The following SCARB1 variants were observed in gnomAD, a reference collection of about 807,000 sequenced individuals.
SCARB1 encodes the protein scavenger receptor class B member 1, also known as CD36 and LIMPII analogous 1.
In SCARB1, 30 loss-of-function variants were observed where a neutral mutation model predicts 57.2. The observed-to-expected ratio is 0.52, with a 90% CI of 0.39 to 0.71. The LOEUF (loss-of-function observed/expected upper bound fraction) is 0.71, where lower values mean the gene tolerates loss of function less well. Ranked by LOEUF, SCARB1 falls within the 30% of genes least tolerant of loss-of-function variation. The pLI is 0.00. For synonymous variants in SCARB1, 249 were observed against 268.3 expected (o/e 0.93, Z 0.70); for missense variants, 543 against 671.2 (o/e 0.81, Z 2.11).
In SCARB1 at chr12:124,782,749, C is replaced by G. The variant is rs1233229414; in HGVS notation, c.1464G>C (p.Gln488His). The G allele has an allele frequency of 6.2e-7, 1 of 1,613,772 alleles. No individual in the cohort carries two copies. Among genetic ancestry groups the G allele is most frequent in the East Asian group, 2.2e-5 (1 of 44,898 alleles). The change falls in exon 12 of 13, where the codon CAG becomes CAC. Residue 488 changes from glutamine to histidine, a missense_variant. Physicochemically the swap from Gln to His is conservative, Grantham distance 24. Transcript: ENST00000261693. Reference sequence around the variant, plus strand: ...ATGTCATCAGGGATTCAGAATAGGCCTGAATGGCCTCCTTATCCTTTGAGC... The same window carrying G: ...ATGTCATCAGGGATTCAGAATAGGCGTGAATGGCCTCCTTATCCTTTGAGC... ...KKGSKDKEAIQAYSESLMTSA... is the reference protein window; with the variant it reads ...KKGSKDKEAIHAYSESLMTSA...
At chr12:124,830,724 T>G (rs907673890) in intron 1 of SCARB1, among the ~76,000 whole-genome samples, 4 of 152,178 alleles carry the variant, frequency 2.6e-5, no homozygotes, top group Non-Finnish European at 5.9e-5. Flanking sequence ...CATACCTAGG[T>G]GAAAATCCAT....
intron 1 of SCARB1, among the ~76,000 whole-genome samples, chr12:124,840,477 C>A (rs1215936760): frequency 1.8e-4 from 27 of 152,142 alleles, no homozygotes; most frequent in Admixed American, 1.8e-3. Context: ...CGCCTGGCTG[C>A]CTGCATGTCT....
intron 1 of SCARB1, among the ~76,000 whole-genome samples, chr12:124,846,350 A>G (rs1041862288): frequency 1.3e-5 from 2 of 152,052 alleles, no homozygotes; most frequent in Non-Finnish European, 2.9e-5. Flanking sequence ...CAGACCCCCT[A>G]CTCTGACTGT....
In SCARB1 at chr12:124,795,208, C is replaced by T; in HGVS notation, c.1189G>A (p.Val397Ile). The change falls in exon 9 of 13, where the codon GTC becomes ATC. Residue 397 changes from valine to isoleucine, a missense_variant. Coordinates refer to ENST00000261693, the MANE Select transcript of SCARB1 (RefSeq NM_005505.5). ...GTCCCCACTCACCCAATGCCTGCGA[C>T]AGATTTCATGTAGAGGCTCAGCTGC... ...KLQLSLYMKSVAGIGQTGKIE... is the reference protein window; with the variant it reads ...KLQLSLYMKSIAGIGQTGKIE... The T allele has an allele frequency of 5.6e-6, 9 of 1,613,888 alleles. No individual in the cohort carries two copies. Among genetic ancestry groups the T allele is most frequent in the Non-Finnish European group, 7.6e-6 (9 of 1,179,816 alleles).
intron 1 of SCARB1, among the ~76,000 whole-genome samples, chr12:124,841,607 T>C (rs7136506): frequency 0.3 from 45,541 of 151,476 alleles, 7,854 homozygotes; most frequent in African/African-American, 0.46. Context: ...CCTGTCCCCT[T>C]TCACCCCCTC....
intron 1 of SCARB1, among the ~76,000 whole-genome samples, chr12:124,819,000 A>G (rs1265359627): frequency 6.6e-6 from 1 of 151,908 alleles, no homozygotes; most frequent in Non-Finnish European, 1.5e-5. Flanking sequence ...GGTGCTGCAC[A>G]CCTGTAGTCC....
At position 124,789,429 on chromosome 12, in the gene SCARB1, C is replaced by A. The variant is rs1378178281; in HGVS notation, c.1203-1972G>T. On this transcript the variant is annotated intron_variant, in intron 9 of 12. Coordinates refer to ENST00000261693, the MANE Select transcript of SCARB1 (RefSeq NM_005505.5). The surrounding 1 kb of genome is among the most constrained non-coding windows in gnomAD (Gnocchi z 4.4). ...AGGAGACCGGAAGACCAATGCGACACCTGGGAAACTGTGACCTGCCACGAC... is the reference window on the plus strand; with the variant it reads ...AGGAGACCGGAAGACCAATGCGACAACTGGGAAACTGTGACCTGCCACGAC... Among the ~76,000 whole-genome samples the A allele has an allele frequency of 1.3e-5, 2 of 152,138 alleles. No homozygotes were observed. The highest frequency in any genetic ancestry group is 4.8e-5 in the African/African-American group (2 of 41,420).
chr12:124,804,731 A>G (rs902556872), intron 7 of SCARB1, among the ~76,000 whole-genome samples: 1 of 152,206 alleles, frequency 6.6e-6, no homozygotes, highest in African/African-American at 2.4e-5. Flanking sequence ...AAAGCATCCA[A>G]TCTGTTGACA....
chr12:124,859,898 T>C (rs1231275166), intron 1 of SCARB1, among the ~76,000 whole-genome samples: 1 of 151,898 alleles, frequency 6.6e-6, no homozygotes, highest in East Asian at 1.9e-4. Flanking sequence ...TTTCAATTAG[T>C]AATGTGTTTT....
intron 1 of SCARB1, among the ~76,000 whole-genome samples, chr12:124,863,156 A>G (rs1209673010): frequency 6.6e-6 from 1 of 152,208 alleles, no homozygotes; most frequent in East Asian, 1.9e-4. Flanking sequence ...CTCACAGGAT[A>G]CAAGCAAAGT....
chr12:124,810,310 T>C lies in SCARB1; in HGVS notation c.727-21A>G. 1 of 1,564,450 alleles carries C rather than the reference T, an allele frequency of 6.4e-7. No homozygotes were observed. Among genetic ancestry groups the C allele is most frequent in the Non-Finnish European group, 8.8e-7 (1 of 1,134,804 alleles). ...TCAACCTGGGGGGAAGCATCCAGAC[T>C]AGACCCCTCAGTAGGGCCAAGGCCC... On this transcript the variant is annotated intron_variant, in intron 5 of 12. Coordinates refer to ENST00000261693, the MANE Select transcript of SCARB1 (RefSeq NM_005505.5). The surrounding 1 kb of genome is among the most constrained non-coding windows in gnomAD (Gnocchi z 4.0).
Position 124,810,302 on chromosome 12 carries a change from A to T in SCARB1, c.727-13T>A, listed in dbSNP as rs1383308986. 7 of 1,589,516 alleles carry T rather than the reference A, an allele frequency of 4.4e-6. No individual in the cohort carries two copies. The highest frequency in any genetic ancestry group is 5.2e-6 in the Non-Finnish European group (6 of 1,157,624). On this transcript the variant is annotated splice_polypyrimidine_tract_variant and intron_variant, in intron 5 of 12. Transcript: ENST00000261693. The surrounding 1 kb of genome is among the most constrained non-coding windows in gnomAD (Gnocchi z 4.0). ...GCCAGAAGTCAACCTGGGGGGAAGCATCCAGACTAGACCCCTCAGTAGGGC... is the reference window on the plus strand; with the variant it reads ...GCCAGAAGTCAACCTGGGGGGAAGCTTCCAGACTAGACCCCTCAGTAGGGC...
intron 9 of SCARB1, 64 bp from the exon 10 acceptor site, chr12:124,787,521 G>A: frequency 7.1e-7 from 1 of 1,414,928 alleles, no homozygotes; most frequent in Non-Finnish European, 9.9e-7. Flanking sequence ...ATCTAATTCT[G>A]CTTGAATACA....
rs1394565326 is a variant in SCARB1, at chr12:124,822,620, C to T, written c.127-4913G>A. On this transcript the variant is annotated intron_variant, in intron 1 of 12. Transcript: ENST00000261693. This position sits in a 1 kb window ranked among gnomAD's most constrained non-coding sequence, Gnocchi z 5.0. The stretch of plus-strand genomic sequence containing the variant: ...TCAAATTAGGCCAGGCATGGTGGCT[C>T]ACGCCTGTAATCCAAGGACTTTGGG... Among the ~76,000 whole-genome samples the T allele has an allele frequency of 6.6e-6, 1 of 152,200 alleles. No individual in the cohort carries two copies. Among genetic ancestry groups the T allele is most frequent in the Non-Finnish European group, 1.5e-5 (1 of 68,038 alleles).
At chr12:124,827,676 C>A (rs1951216176) in intron 1 of SCARB1, among the ~76,000 whole-genome samples, 1 of 152,166 alleles carries the variant, frequency 6.6e-6, no homozygotes, top group Admixed American at 6.5e-5. Context: ...CACGCTCCTG[C>A]CCCAGGGCCT....
Position 124,817,239 on chromosome 12 carries a change from G to C in SCARB1, c.284+311C>G, listed in dbSNP as rs1950771016. 6.6e-6 allele frequency among the ~76,000 whole-genome samples: 1 copy of C among 150,742 alleles called. No individual in the cohort carries two copies. The highest frequency in any genetic ancestry group is 6.6e-5 in the Admixed American group (1 of 15,072). ...CCTGCTCCATAAAGAACCTCTCTAG[G>C]CAACGTCTGGTGATTCGCACCTGTA... On this transcript the variant is annotated intron_variant, in intron 2 of 12. Transcript: ENST00000261693. The surrounding 1 kb of genome is among the most constrained non-coding windows in gnomAD (Gnocchi z 4.8).
chr12:124,834,475 T>C (rs1166523261), intron 1 of SCARB1, among the ~76,000 whole-genome samples: 1 of 152,228 alleles, frequency 6.6e-6, no homozygotes, highest in African/African-American at 2.4e-5. Context: ...CTGGAGCAGG[T>C]CCACCTTTCA....
At chr12:124,815,263 C>T (rs1163869810) in intron 2 of SCARB1, 149 bp from the exon 3 acceptor site, 8 of 910,654 alleles carry the variant, frequency 8.8e-6, no homozygotes, top group African/African-American at 3.3e-5. Context: ...TCGGCCCCTT[C>T]GCCAAGTCTG....
At chr12:124,801,013 G>A (rs1950110610) in intron 7 of SCARB1, among the ~76,000 whole-genome samples, 1 of 152,132 alleles carries the variant, frequency 6.6e-6, no homozygotes, top group African/African-American at 2.4e-5. Flanking sequence ...TTGGAGACCA[G>A]GCTGGACAAT....
Sources: allele counts gnomAD v4.1 joint callset (sites outside exome capture counted in the v4.1 genomes callset), GRCh38; gene constraint gnomAD v4.1.1; non-coding constraint Gnocchi (gnomAD v3.1); transcripts MANE v1.5; gene names NCBI Gene and HGNC (gene_info 2026-07-23, HGNC 2026-07-21).